NRXN1: variants seen among roughly 807,000 people sequenced by gnomAD.
NRXN1 encodes the protein neurexin 1, also known as neurexin-1.
A neutral mutation model predicts 150.9 loss-of-function variants in NRXN1; 39 were observed. The observed-to-expected ratio is 0.26, with a 90% CI of 0.20 to 0.34. NRXN1 has a LOEUF of 0.34. NRXN1 is among the 10% of genes least tolerant of loss of function. The probability of loss-of-function intolerance (pLI) is 1.00; values close to 1 mark genes in which losing one functional copy is unlikely to be tolerated. For synonymous variants in NRXN1, 924 were observed against 757.0 expected (o/e 1.22, Z -3.62); for missense variants, 1,815 against 1,949.9 (o/e 0.93, Z 1.30).
At chr2:50,073,999 A>G (rs1696683009) in intron 19 of NRXN1, among the ~76,000 whole-genome samples, 1 of 152,134 alleles carries the variant, frequency 6.6e-6, no homozygotes, top group Non-Finnish European at 1.5e-5. Context: ...AGGCCTGGAA[A>G]GTATGAGGGT....
intron 17 of NRXN1, among the ~76,000 whole-genome samples, chr2:50,456,273 C>A (rs1422920245): frequency 6.6e-6 from 1 of 152,066 alleles, no homozygotes; most frequent in East Asian, 1.9e-4. Context: ...ACCTTCCTAT[C>A]TCACCAAATC....
At chr2:50,683,624 T>G (rs1375626830) in intron 5 of NRXN1, among the ~76,000 whole-genome samples, 1 of 20,210 alleles carries the variant, frequency 4.9e-5, no homozygotes, top group African/African-American at 5.3e-4. Flanking sequence ...AGAGCAAGAC[T>G]CCGTCTCAAA....
chr2:50,920,478 G>C (rs1685853302), intron 5 of NRXN1, among the ~76,000 whole-genome samples: 1 of 151,642 alleles, frequency 6.6e-6, no homozygotes, highest in South Asian at 2.1e-4. Context: ...CTTAGAAATT[G>C]TGTATTTATA....
At chr2:50,102,084 T>G (rs1701057548) in intron 18 of NRXN1, among the ~76,000 whole-genome samples, 1 of 152,020 alleles carries the variant, frequency 6.6e-6, no homozygotes, top group South Asian at 2.1e-4. Context: ...CTGTTATCCC[T>G]GAAGTGGTAA....
chr2:50,073,917 T>C (rs563291500), intron 19 of NRXN1, among the ~76,000 whole-genome samples: 23 of 152,310 alleles, frequency 1.5e-4, no homozygotes, highest in Admixed American at 4.6e-4. Context: ...AACTTGGTAC[T>C]TAATAGAGTT....
chr2:50,670,041 T>C (rs941220707), intron 5 of NRXN1, among the ~76,000 whole-genome samples: 7 of 151,828 alleles, frequency 4.6e-5, no homozygotes, highest in African/African-American at 1.7e-4. Flanking sequence ...AGTAGTTTTA[T>C]ACATGTATAG....
intron 5 of NRXN1, among the ~76,000 whole-genome samples, chr2:50,640,872 C>A (rs557218907): frequency 6.6e-6 from 1 of 152,136 alleles, no homozygotes; most frequent in South Asian, 2.1e-4. Context: ...CCTTATGTAA[C>A]CATTCAAAGA....
chr2:50,709,766 T>A (rs1276598068), intron 5 of NRXN1, among the ~76,000 whole-genome samples: 1 of 152,176 alleles, frequency 6.6e-6, no homozygotes, highest in Non-Finnish European at 1.5e-5. Flanking sequence ...GAACTATTCA[T>A]TGGTTCAAGT....
At chr2:50,687,367 CT>C (rs1019160222) in intron 5 of NRXN1, among the ~76,000 whole-genome samples, 1 of 152,060 alleles carries the variant, frequency 6.6e-6, no homozygotes, top group African/African-American at 2.4e-5. Context: ...ATAATACTAT[CT>C]TTTTTTTCTC....
intron 18 of NRXN1, among the ~76,000 whole-genome samples, chr2:50,107,394 C>T (rs1180937405): frequency 2.0e-5 from 3 of 151,312 alleles, no homozygotes; most frequent in East Asian, 3.9e-4. Context: ...TATTGCACTA[C>T]CCATCTTTTA....
At chr2:50,975,256 A>C (rs1695635832) in intron 2 of NRXN1, among the ~76,000 whole-genome samples, 1 of 152,156 alleles carries the variant, frequency 6.6e-6, no homozygotes, top group Non-Finnish European at 1.5e-5. Context: ...ATTTATAAAC[A>C]TAACCATATA....
At chr2:50,139,256 G>T (rs1371032385) in intron 18 of NRXN1, among the ~76,000 whole-genome samples, 2 of 150,970 alleles carry the variant, frequency 1.3e-5, no homozygotes, top group Middle Eastern at 6.3e-3. Flanking sequence ...ATCCTGGGAG[G>T]CAGAGGTTGC....
chr2:50,971,267 T>A (rs1694946494), intron 2 of NRXN1, among the ~76,000 whole-genome samples: 1 of 152,096 alleles, frequency 6.6e-6, no homozygotes, highest in Admixed American at 6.6e-5. Flanking sequence ...TGGCTGAAAT[T>A]CGATGATTCC....
At chr2:49,973,699 A>G in intron 21 of NRXN1, 5 of 457,066 alleles carry the variant, frequency 1.1e-5, no homozygotes, top group Non-Finnish European at 1.9e-5. Context: ...AGCTCACACA[A>G]AGCAGCAGAC....
In NRXN1 at chr2:50,552,949, T is replaced by C. The variant is rs1667744184; in HGVS notation, c.1397A>G (p.His466Arg). ...AKQGDPKMKIHGVVAFKCENV... is the reference protein window; with the variant it reads ...AKQGDPKMKIRGVVAFKCENV... ...CTCACATTTAAATGCCACCACTCCA[T>C]GGATCTTCATCTTAGGATCTCCTTG... is the stretch of plus-strand genomic sequence containing the variant. Residue 466 changes from histidine (H) to arginine (R), a missense_variant, in exon 9 of 23, where the codon CAT becomes CGT. Coordinates refer to ENST00000401669, the MANE Select transcript of NRXN1 (RefSeq NM_001330078.2). 2.5e-6 allele frequency: 4 copies of C among 1,613,836 alleles called. No individual in the cohort carries two copies. The highest frequency in any genetic ancestry group is 3.4e-6 in the Non-Finnish European group (4 of 1,179,738).
intron 8 of NRXN1, among the ~76,000 whole-genome samples, chr2:50,586,681 C>G (rs556724148): frequency 1.8e-4 from 27 of 152,226 alleles, no homozygotes; most frequent in African/African-American, 5.3e-4. Context: ...AACTCAAGCC[C>G]TTTTCCAGTT....
chr2:50,895,097 T>C (rs1163889258), intron 5 of NRXN1, among the ~76,000 whole-genome samples: 1 of 152,122 alleles, frequency 6.6e-6, no homozygotes, highest in Non-Finnish European at 1.5e-5. Context: ...CAAGAATAAA[T>C]GACAAATTAT....
intron 17 of NRXN1, among the ~76,000 whole-genome samples, chr2:50,444,288 A>T (rs2086209993): frequency 6.6e-6 from 1 of 152,222 alleles, no homozygotes; most frequent in Non-Finnish European, 1.5e-5. Flanking sequence ...TTTCATAGAA[A>T]ACAGTGTGGG....
chr2:50,671,316 G>T (rs1688811417), intron 5 of NRXN1, among the ~76,000 whole-genome samples: 2 of 151,452 alleles, frequency 1.3e-5, no homozygotes, highest in African/African-American at 2.4e-5. Flanking sequence ...TTATTTTAGT[G>T]TTTAATCTGT....
Sources: gnomAD v4.1 joint callset for allele counts (sites outside exome capture counted in the v4.1 genomes callset) on GRCh38, gnomAD v4.1.1 for gene constraint, MANE v1.5 for transcripts, NCBI Gene and HGNC (gene_info 2026-07-23, HGNC 2026-07-21) for gene names.